Variants in ELL2 observed in about 807,000 individuals in gnomAD.
The protein encoded by ELL2 is elongation factor for RNA polymerase II 2, also known as RNA polymerase II elongation factor ELL2.
A neutral mutation model predicts 72.8 loss-of-function variants in ELL2; 21 were observed. The observed-to-expected ratio is 0.29, with a 90% CI of 0.20 to 0.42. The LOEUF is 0.42. Ranked by LOEUF, ELL2 falls within the 10% of genes least tolerant of loss-of-function variation. The probability of loss-of-function intolerance (pLI) is 1.00; values close to 1 mark genes in which losing one functional copy is unlikely to be tolerated. For synonymous variants in ELL2, 266 were observed against 283.2 expected, an observed-to-expected ratio of 0.94 and a Z score of 0.61; for missense variants, 568 against 772.8, an observed-to-expected ratio of 0.73 and a Z score of 3.14.
chr5:95,961,637 C>T lies in ELL2; in HGVS notation c.85G>A (p.Val29Ile). 1 of 1,610,410 alleles carries T rather than the reference C, an allele frequency of 6.2e-7. No individual in the cohort carries two copies. The highest frequency in any genetic ancestry group is 8.5e-7 in the Non-Finnish European group (1 of 1,178,806). ...GTCTCGGTGAGCTTCACATGCAGTA[C>T]GGTGATGTTGTCCTGCCCCAGCCGT... The part of the protein sequence containing the change: ...CGRLGQDNIT[V>I]LHVKLTETAI... The change falls in exon 1 of 12, where the codon GTA (valine) becomes ATA (isoleucine). Residue 29 changes from valine (V) to isoleucine (I), a missense_variant. This residue lies in a region of ELL2 where 57 missense variants were observed against 44.4 expected (regional missense o/e 1.28). Coordinates refer to ENST00000237853, the MANE Select transcript of ELL2 (RefSeq NM_012081.6).
intron 4 of ELL2, among the ~76,000 whole-genome samples, chr5:95,911,102 T>G (rs141815612): frequency 6.6e-6 from 1 of 152,196 alleles, no homozygotes; most frequent in Non-Finnish European, 1.5e-5. Flanking sequence ...GGGTGATTGA[T>G]ATTTTAAAGA....
chr5:95,942,046 C>A (rs969781231), intron 2 of ELL2, among the ~76,000 whole-genome samples: 2 of 152,190 alleles, frequency 1.3e-5, no homozygotes, highest in African/African-American at 4.8e-5. Flanking sequence ...GTAAGCATTA[C>A]AAAACACATT....
chr5:95,947,380 T>C (rs1194323569), intron 1 of ELL2, among the ~76,000 whole-genome samples: 1 of 152,236 alleles, frequency 6.6e-6, no homozygotes, highest in Non-Finnish European at 1.5e-5. Flanking sequence ...TTTTTTTACC[T>C]CACGCCCTGA....
At chr5:95,936,732 A>G (rs1750788037) in intron 2 of ELL2, among the ~76,000 whole-genome samples, 1 of 85,808 alleles carries the variant, frequency 1.2e-5, no homozygotes, top group Non-Finnish European at 2.4e-5. Flanking sequence ...GTGACAGAGT[A>G]AGGGATGGTT....
intron 2 of ELL2, among the ~76,000 whole-genome samples, chr5:95,939,688 A>T (rs1330619845): frequency 2.6e-5 from 4 of 152,248 alleles, no homozygotes; most frequent in Non-Finnish European, 4.4e-5. Context: ...TACAGAGTTT[A>T]GTTTTTAAAA....
chr5:95,894,188 C>T (rs559586763), intron 9 of ELL2, among the ~76,000 whole-genome samples: 5 of 152,216 alleles, frequency 3.3e-5, no homozygotes, highest in East Asian at 3.9e-4. Context: ...TGCAGTGAGC[C>T]GAGGTCGCAC....
At chr5:95,913,731 C>T in intron 4 of ELL2, 40 bp downstream of exon 4, 33 of 1,524,578 alleles carry the variant, frequency 2.2e-5, no homozygotes, top group Non-Finnish European at 2.8e-5. Flanking sequence ...TTGAATTACT[C>T]CAATCAATCA....
chr5:95,944,012 T>C (rs1222017612), intron 1 of ELL2, among the ~76,000 whole-genome samples: 1 of 152,200 alleles, frequency 6.6e-6, no homozygotes, highest in East Asian at 1.9e-4. Context: ...ATTCACACCT[T>C]CATATTCAAA....
Position 95,888,483 on chromosome 5 carries a change from C to T in ELL2, c.*388G>A, listed in dbSNP as rs1219475690. Reference sequence around the variant, plus strand: ...TTATCCAAAAGCATTTCACCTTGCACATTACTGTTGTTGTTTTTTAAACAC... The same window carrying T: ...TTATCCAAAAGCATTTCACCTTGCATATTACTGTTGTTGTTTTTTAAACAC... On this transcript the variant is annotated 3_prime_UTR_variant, in exon 12 of 12. Transcript: ENST00000237853. 3 of 155,636 alleles carry T rather than the reference C, an allele frequency of 1.9e-5. No homozygotes were observed. The highest frequency in any genetic ancestry group is 3.8e-4 in the East Asian group (2 of 5,322). 9.6% of individuals were successfully genotyped at this position (155,636 alleles called of 1,614,324 possible). A position where few individuals can be genotyped will look rare whatever the true frequency, so the allele number is the denominator to read the frequency against.
At chr5:95,928,107 AG>A (rs1750462647) in intron 2 of ELL2, among the ~76,000 whole-genome samples, 1 of 152,020 alleles carries the variant, frequency 6.6e-6, no homozygotes, top group Admixed American at 6.5e-5. Flanking sequence ...AGTTACTGGC[AG>A]GGGAAAGATG....
At chr5:95,895,875 G>A (rs191141867) in intron 8 of ELL2, among the ~76,000 whole-genome samples, 184 bp from the exon 9 acceptor site, 14 of 152,274 alleles carry the variant, frequency 9.2e-5, no homozygotes, top group East Asian at 3.9e-4. Context: ...TATGACCAGC[G>A]CCAGCAGAAC....
intron 1 of ELL2, among the ~76,000 whole-genome samples, chr5:95,949,684 C>T (rs1456976983): frequency 1.4e-5 from 2 of 143,186 alleles, no homozygotes; most frequent in Admixed American, 1.4e-4. Context: ...CATTATAAGC[C>T]ATGATAAAGA....
intron 9 of ELL2, among the ~76,000 whole-genome samples, chr5:95,893,864 G>A (rs996954803): frequency 5.3e-5 from 8 of 151,956 alleles, no homozygotes; most frequent in African/African-American, 7.3e-5. Flanking sequence ...TAAATTAAGC[G>A]AACAATCACA....
chr5:95,898,123 A>T, intron 8 of ELL2, 117 bp downstream of exon 8: 1 of 887,842 alleles, frequency 1.1e-6, no homozygotes, highest in Non-Finnish European at 1.6e-6. Flanking sequence ...TCAAAAGCAC[A>T]ACACTAAGAT....
At chr5:95,913,174 G>A (rs368757459) in intron 4 of ELL2, among the ~76,000 whole-genome samples, 59 of 152,238 alleles carry the variant, frequency 3.9e-4, no homozygotes, top group African/African-American at 1.2e-3. Flanking sequence ...GATGGGGGTC[G>A]GATAGGGTCT....
rs146411716 is a variant in ELL2 at position 95,956,517 on chromosome 5, C to T, written c.147+5058G>A. 8.5e-5 allele frequency among the ~76,000 whole-genome samples: 13 copies of T among 152,282 alleles called. 1 individual carries two copies. The East Asian group carries it at 2.5e-3, about 29-fold the overall frequency. On this transcript the variant is annotated intron_variant, in intron 1 of 11. Coordinates refer to ENST00000237853, the MANE Select transcript of ELL2 (RefSeq NM_012081.6). ...GTCCAACAGTGGTGGCAGTGCTGTGCTGGCAGGTCTGGATGCTCAAGTGGT... is the reference window on the plus strand; with the variant it reads ...GTCCAACAGTGGTGGCAGTGCTGTGTTGGCAGGTCTGGATGCTCAAGTGGT...
At chr5:95,918,877 CT>C (rs10644804) in intron 3 of ELL2, among the ~76,000 whole-genome samples, 114 of 142,650 alleles carry the variant, frequency 8.0e-4, no homozygotes, top group Admixed American at 9.8e-4. Flanking sequence ...CTTCCTCCTC[CT>C]TTTTTTTTTT....
chr5:95,915,042 G>A (rs1305997660), intron 3 of ELL2, among the ~76,000 whole-genome samples: 1 of 152,132 alleles, frequency 6.6e-6, no homozygotes, highest in African/African-American at 2.4e-5. Flanking sequence ...TGACACTACA[G>A]CTCTGATCAT....
In ELL2 at chr5:95,900,991, T is replaced by C. The variant is rs555093629; in HGVS notation, c.831A>G (p.Glu277=). The part of the protein sequence containing the change: ...ELQRDWPGYS[E]IDRRSLESVL... ...CTGACTCCAATGACCGTCTGTCTAT[T>C]TCACTGTATCCAGGCCAGTCTCTTT... Residue 277 remains glutamate, a synonymous_variant, in exon 6 of 12, where the codon GAA becomes GAG. Transcript: ENST00000237853. The C allele has an allele frequency of 8.7e-6, 14 of 1,613,206 alleles. No individual in the cohort carries two copies. In the Admixed American group the frequency reaches 1.2e-4, roughly 13 times the overall value.
Sources: allele counts gnomAD v4.1 joint callset (sites outside exome capture counted in the v4.1 genomes callset), GRCh38; gene constraint gnomAD v4.1.1; regional missense constraint gnomAD v4.1.1; transcripts MANE v1.5; gene names NCBI Gene and HGNC (gene_info 2026-07-23, HGNC 2026-07-21).